Variants in ZSCAN2 observed in about 807,000 individuals in gnomAD.
The protein encoded by ZSCAN2 is zinc finger and SCAN domain-containing protein 2.
A neutral mutation model predicts 47.8 loss-of-function variants in ZSCAN2; 26 were observed. The ratio of observed to expected loss-of-function variants is 0.54; its 90% CI spans 0.40 to 0.75. The LOEUF (loss-of-function observed/expected upper bound fraction) is 0.75. Ranked by LOEUF, ZSCAN2 falls within the 30% of genes least tolerant of loss-of-function variation. ZSCAN2 has a pLI of 0.00. For missense variants in ZSCAN2, 732 were observed against 785.4 expected (o/e 0.93, Z 0.81); for synonymous variants, 305 against 288.7 (o/e 1.06, Z -0.57).
intron 2 of ZSCAN2, among the ~76,000 whole-genome samples, chr15:84,618,157 C>A (rs1430660262): frequency 6.6e-6 from 1 of 152,128 alleles, no homozygotes; most frequent in Admixed American, 6.5e-5. Context: ...ATAGCTCACA[C>A]CTGTAATCCC....
Position 84,622,385 on chromosome 15 carries a change from A to G in ZSCAN2, c.*345A>G, listed in dbSNP as rs1895836170. 6.8e-6 allele frequency: 4 copies of G among 583,966 alleles called. No individual in the cohort carries two copies. Among genetic ancestry groups the G allele is most frequent in the South Asian group, 2.3e-5 (1 of 43,918 alleles). The allele number at this position is 583,966 out of a possible 1,614,324, so 36.2% of individuals were successfully genotyped here. A position where few individuals can be genotyped will look rare whatever the true frequency, so the allele number is the denominator to read the frequency against. On this transcript the variant is annotated 3_prime_UTR_variant, in exon 3 of 3. Coordinates refer to ENST00000546148, the MANE Select transcript of ZSCAN2 (RefSeq NM_181877.4). ...TTCTCCATGTGGAATGGAAGACAGCATGGCCCACAACGTGGGCCGAGTCCT... is the reference window on the plus strand; with the variant it reads ...TTCTCCATGTGGAATGGAAGACAGCGTGGCCCACAACGTGGGCCGAGTCCT...
In ZSCAN2 at chr15:84,621,536, G is replaced by A. The variant is rs774960524; in HGVS notation, c.1341G>A (p.Lys447=). The A allele has an allele frequency of 1.9e-6, 3 of 1,613,562 alleles. No homozygotes were observed. The highest frequency in any genetic ancestry group is 2.2e-5 in the East Asian group (1 of 44,848). ...RRTHMVEKPY[K]CGVCGKSFSQ... ...CCCACATGGTGGAGAAGCCCTATAA[G>A]TGTGGGGTGTGTGGGAAGAGCTTCA... Residue 447 remains lysine, a synonymous_variant, in exon 3 of 3, where the codon AAG becomes AAA. Coordinates refer to ENST00000546148, the MANE Select transcript of ZSCAN2 (RefSeq NM_181877.4). This position sits in a 1 kb window ranked among gnomAD's most constrained non-coding sequence, Gnocchi z 5.7.
At chr15:84,618,646 C>A (rs142272295) in intron 2 of ZSCAN2, among the ~76,000 whole-genome samples, 100 of 151,770 alleles carry the variant, frequency 6.6e-4, no homozygotes, top group African/African-American at 2.3e-3. Flanking sequence ...ACCAAAGCGT[C>A]CACCTCCTGG....
intron 2 of ZSCAN2, among the ~76,000 whole-genome samples, chr15:84,607,293 A>G (rs964978122): frequency 6.6e-6 from 1 of 151,974 alleles, no homozygotes; most frequent in Non-Finnish European, 1.5e-5. Context: ...TTCCACTTCT[A>G]CCAGAGTGAT....
chr15:84,615,622 G>A (rs897796887), intron 2 of ZSCAN2, among the ~76,000 whole-genome samples: 4 of 152,172 alleles, frequency 2.6e-5, no homozygotes, highest in Non-Finnish European at 5.9e-5. Flanking sequence ...GAGCCAACGC[G>A]CCTGGCCCTC....
At chr15:84,618,563 T>A (rs1895747327) in intron 2 of ZSCAN2, among the ~76,000 whole-genome samples, 1 of 144,024 alleles carries the variant, frequency 6.9e-6, no homozygotes, top group African/African-American at 2.7e-5. Context: ...AGCCATTAAT[T>A]TTTTTTTTTT....
intron 2 of ZSCAN2, among the ~76,000 whole-genome samples, chr15:84,610,484 CTTTCTTTTTTT>C (rs1895512847): frequency 8.1e-6 from 1 of 123,940 alleles, no homozygotes; most frequent in Admixed American, 9.7e-5. Context: ...TTCTTTCTTT[CTTTCTTTTTTT>C]TTTTTTTTTT....
chr15:84,616,780 C>A (rs1895703024), intron 2 of ZSCAN2, among the ~76,000 whole-genome samples: 1 of 152,176 alleles, frequency 6.6e-6, no homozygotes, highest in Non-Finnish European at 1.5e-5. Context: ...CCTGCAGGTT[C>A]TTCTAGAAGA....
Position 84,604,251 on chromosome 15 carries a change from T to C in ZSCAN2, c.324T>C (p.Ala108=), listed in dbSNP as rs1466588440. Residue 108 remains alanine (A), a synonymous_variant, in exon 2 of 3, where the codon GCT becomes GCC. Transcript: ENST00000546148. ...CCATGCTGCCAAAGGAAATTCAGGC[T>C]TGGCTGCAAGAGCATCGGCCTGAAA... ...MLTMLPKEIQ[A]WLQEHRPESS... 8 of 1,614,128 alleles carry C rather than the reference T, an allele frequency of 5.0e-6. No homozygotes were observed. Among genetic ancestry groups the C allele is most frequent in the Middle Eastern group, 1.6e-4 (1 of 6,062 alleles).
chr15:84,603,956 C>A lies in ZSCAN2; in HGVS notation c.29C>A (p.Thr10Asn). The change falls in exon 2 of 3, where the codon ACC (threonine) becomes AAC (asparagine). Residue 10 changes from threonine (T) to asparagine (N), a missense_variant. By Grantham distance (65) the Thr-to-Asn change is moderately conservative (BLOSUM62 0). Around this residue, in one of 2 missense-constraint regions of ZSCAN2, gnomAD observed 320 missense variants for 287.4 expected, o/e 1.11. Coordinates refer to ENST00000546148, the MANE Select transcript of ZSCAN2 (RefSeq NM_181877.4). MMAADIPRV[T>N]TPLSSLVQVP... ...ATGGCTGCAGACATCCCGAGAGTGACCACTCCGCTGAGCTCCTTGGTCCAG... is the reference window on the plus strand; with the variant it reads ...ATGGCTGCAGACATCCCGAGAGTGAACACTCCGCTGAGCTCCTTGGTCCAG... The A allele has an allele frequency of 6.2e-7, 1 of 1,613,804 alleles. No individual in the cohort carries two copies. The highest frequency in any genetic ancestry group is 8.5e-7 in the Non-Finnish European group (1 of 1,179,968).
chr15:84,620,923 C>CCCA lies in ZSCAN2; in HGVS notation c.730_732dup (p.His244dup). 2 of 1,614,098 alleles carry CCCA rather than the reference C, an allele frequency of 1.2e-6. No individual in the cohort carries two copies. The highest frequency in any genetic ancestry group is 1.7e-6 in the Non-Finnish European group (2 of 1,180,024). On this transcript the variant is annotated inframe_insertion, in exon 3 of 3. Transcript: ENST00000546148. ...TCCCACCTCATCACACACGAGAGGA[C>CCCA]CCACACAGGAGAGAAATACTACAAA... is the stretch of plus-strand genomic sequence containing the variant.
chr15:84,609,861 T>G (rs1220237151), intron 2 of ZSCAN2, among the ~76,000 whole-genome samples: 1 of 152,244 alleles, frequency 6.6e-6, no homozygotes, highest in Non-Finnish European at 1.5e-5. Flanking sequence ...CACCAAAGAC[T>G]GTGACCAGTT....
Position 84,612,689 on chromosome 15 carries a change from C to A in ZSCAN2, c.407-7913C>A, listed in dbSNP as rs574035933. Reference sequence around the variant, plus strand: ...GGCGGAGCTTGCAGTGAGCCGAGATCATGCCACTGTACTCCGGCCTGGAAG... The same window carrying A: ...GGCGGAGCTTGCAGTGAGCCGAGATAATGCCACTGTACTCCGGCCTGGAAG... On this transcript the variant is annotated intron_variant, in intron 2 of 2. Coordinates refer to ENST00000546148, the MANE Select transcript of ZSCAN2 (RefSeq NM_181877.4). Among the ~76,000 whole-genome samples the A allele has an allele frequency of 5.1e-4, 77 of 151,992 alleles. 1 individual carries two copies. In the South Asian group the frequency reaches 0.016, roughly 31 times the overall value.
chr15:84,620,985 A>G lies in ZSCAN2; in HGVS notation c.790A>G (p.Asn264Asp), dbSNP rs1417063853. Residue 264 changes from asparagine to aspartate, a missense_variant, in exon 3 of 3, where the codon AAT becomes GAT. By Grantham distance (23) the Asn-to-Asp change is conservative. Transcript: ENST00000546148. ...TGGAAAAAGCTTTAGTGATGGTTCA[A>G]ATTTTAGTAGACACCAAACCACTCA... ...ECGKSFSDGS[N>D]FSRHQTTHTG... 1 of 1,614,024 alleles carries G rather than the reference A, an allele frequency of 6.2e-7. No homozygotes were observed. Among genetic ancestry groups the G allele is most frequent in the African/African-American group, 1.3e-5 (1 of 75,000 alleles).
At chr15:84,619,754 T>C (rs930891168) in intron 2 of ZSCAN2, among the ~76,000 whole-genome samples, 6 of 152,112 alleles carry the variant, frequency 3.9e-5, no homozygotes, top group African/African-American at 1.4e-4. Flanking sequence ...GTGGGGGTAA[T>C]TGGGTAGGTA....
rs1895794037 is a variant in ZSCAN2 at position 84,620,640 on chromosome 15, C to T, written c.445C>T (p.Gln149Ter). 1 of 1,612,472 alleles carries T rather than the reference C, an allele frequency of 6.2e-7. No individual in the cohort carries two copies. The highest frequency in any genetic ancestry group is 1.3e-5 in the African/African-American group (1 of 75,016). Residue 149 changes from glutamine (Q) to a stop codon, truncating the protein, a stop_gained, in exon 3 of 3, where the codon CAA (glutamine) becomes TAA (stop). Transcript: ENST00000546148. LOFTEE classifies it high-confidence loss of function. ...IQSENGENCNQDMFENESRKI... is the reference protein window; with the variant it reads ...IQSENGENCN ...GAGTGAAAATGGGGAGAACTGTAAT[C>T]AAGACATGTTTGAGAATGAATCACG...
intron 2 of ZSCAN2, 106 bp from the exon 3 acceptor site, chr15:84,620,494 CTT>C: frequency 1.0e-6 from 1 of 974,754 alleles, no homozygotes; most frequent in Non-Finnish European, 1.5e-6. Flanking sequence ...TTTCTAGCCT[CTT>C]TGTGTTCACT....
At chr15:84,615,867 T>G (rs1039055308) in intron 2 of ZSCAN2, among the ~76,000 whole-genome samples, 3 of 152,188 alleles carry the variant, frequency 2.0e-5, no homozygotes, top group Non-Finnish European at 4.4e-5. Context: ...CTTCAAGCTC[T>G]TCTCTGTGGT....
Position 84,622,405 on chromosome 15 carries a change from A to C in ZSCAN2, c.*365A>C. 1.7e-6 allele frequency: 1 copy of C among 588,118 alleles called. No homozygotes were observed. 36.4% of individuals were successfully genotyped at this position (588,118 alleles called of 1,614,324 possible). A position where few individuals can be genotyped will look rare whatever the true frequency, so the allele number is the denominator to read the frequency against. On this transcript the variant is annotated 3_prime_UTR_variant, in exon 3 of 3. Transcript: ENST00000546148. ...ACAGCATGGCCCACAACGTGGGCCG[A>C]GTCCTCAGAGAAATACTGGAAATCA... is the stretch of plus-strand genomic sequence containing the variant.
Sources: gnomAD v4.1 joint callset for allele counts (sites outside exome capture counted in the v4.1 genomes callset) on GRCh38, gnomAD v4.1.1 for gene constraint, gnomAD v4.1.1 regional missense constraint, Gnocchi (gnomAD v3.1) non-coding constraint, MANE v1.5 for transcripts, NCBI Gene and HGNC (gene_info 2026-07-23, HGNC 2026-07-21) for gene names.